The following THSD7B variants were observed in gnomAD, a reference collection of about 807,000 sequenced individuals.
THSD7B encodes the protein thrombospondin type 1 domain containing 7B, also known as thrombospondin type-1 domain-containing protein 7B.
Under a neutral mutation model 213.6 loss-of-function variants are expected in THSD7B, and 138 were observed. The ratio of observed to expected loss-of-function variants is 0.65; its 90% CI spans 0.56 to 0.74. THSD7B has a LOEUF of 0.74. Ranked by LOEUF, THSD7B falls within the 30% of genes least tolerant of loss-of-function variation. The pLI is 0.00. For missense variants in THSD7B, 1,931 were observed against 1,991.5 expected (o/e 0.97, Z 0.58); for synonymous variants, 742 against 687.0 (o/e 1.08, Z -1.25).
chr2:137,082,406 G>T (rs7578564), intron 3 of THSD7B, among the ~76,000 whole-genome samples: 14,440 of 152,102 alleles, frequency 0.095, 932 homozygotes, highest in African/African-American at 0.18. Context: ...GTAGTGCTGA[G>T]AGGGGAATAT....
chr2:137,663,961 C>G (rs1373013198), intron 26 of THSD7B, among the ~76,000 whole-genome samples: 1 of 152,146 alleles, frequency 6.6e-6, no homozygotes, highest in Non-Finnish European at 1.5e-5. Flanking sequence ...AAGCGATTCT[C>G]CTGCCATAGC....
intron 12 of THSD7B, among the ~76,000 whole-genome samples, chr2:137,286,502 C>G (rs1683183766): frequency 6.6e-6 from 1 of 152,180 alleles, no homozygotes; most frequent in Non-Finnish European, 1.5e-5. Flanking sequence ...ATTGGACTTT[C>G]ATTCTCCGAA....
chr2:137,485,844 C>T (rs1035184624), intron 15 of THSD7B, among the ~76,000 whole-genome samples: 9 of 152,134 alleles, frequency 5.9e-5, no homozygotes, highest in Non-Finnish European at 1.2e-4. Context: ...CAATATTCAA[C>T]ATTCTTAAAG....
intron 15 of THSD7B, among the ~76,000 whole-genome samples, chr2:137,514,137 A>G (rs183305308): frequency 9.0e-4 from 137 of 152,214 alleles, no homozygotes; most frequent in Non-Finnish European, 1.7e-3. Flanking sequence ...TATATGTGAT[A>G]TGGTTGTGAT....
At chr2:137,487,736 C>CTTTT (rs746163389) in intron 15 of THSD7B, among the ~76,000 whole-genome samples, 1 of 13,338 alleles carries the variant, frequency 7.5e-5, no homozygotes, top group African/African-American at 2.7e-4. Flanking sequence ...AGGTTTCTTT[C>CTTTT]TTTTTTTTTT....
At chr2:137,513,046 G>T (rs1414801267) in intron 15 of THSD7B, among the ~76,000 whole-genome samples, 1 of 151,994 alleles carries the variant, frequency 6.6e-6, no homozygotes. Context: ...ACCTCCAAAG[G>T]GTGTACAATA....
intron 10 of THSD7B, among the ~76,000 whole-genome samples, chr2:137,252,281 A>AC (rs992399726): frequency 4.2e-5 from 6 of 144,392 alleles, no homozygotes; most frequent in East Asian, 1.9e-4. Flanking sequence ...AAAAAAAAAA[A>AC]AAAAAAAAAC....
chr2:137,452,612 C>A (rs565327427), intron 15 of THSD7B, among the ~76,000 whole-genome samples: 1 of 152,182 alleles, frequency 6.6e-6, no homozygotes, highest in Admixed American at 6.5e-5. Flanking sequence ...CTTTATAACA[C>A]CAGTGTTAAA....
chr2:137,393,152 T>G (rs1686076545), intron 12 of THSD7B, among the ~76,000 whole-genome samples: 25 of 137,420 alleles, frequency 1.8e-4, no homozygotes, highest in Admixed American at 1.8e-3. Flanking sequence ...CCAGCTTTTT[T>G]TTTTTTAATT....
chr2:137,189,882 A>C (rs182469406), intron 7 of THSD7B, among the ~76,000 whole-genome samples: 1 of 152,178 alleles, frequency 6.6e-6, no homozygotes, highest in East Asian at 1.9e-4. Flanking sequence ...GCTCCTCAAA[A>C]ATAGAAACTG....
intron 15 of THSD7B, among the ~76,000 whole-genome samples, chr2:137,495,052 G>C (rs900750790): frequency 6.6e-6 from 1 of 152,054 alleles, no homozygotes; most frequent in African/African-American, 2.4e-5. Context: ...ACTTACCACA[G>C]TCTAATTGTT....
intron 20 of THSD7B, among the ~76,000 whole-genome samples, chr2:137,628,563 C>T (rs973505925): frequency 6.6e-6 from 1 of 151,394 alleles, no homozygotes; most frequent in East Asian, 1.9e-4. Flanking sequence ...GTGTTATTTG[C>T]GTCAGTGATG....
At chr2:137,408,533 T>G (rs1209437696) in intron 13 of THSD7B, among the ~76,000 whole-genome samples, 3 of 152,206 alleles carry the variant, frequency 2.0e-5, no homozygotes, top group Non-Finnish European at 4.4e-5. Flanking sequence ...CAGCTTCTGC[T>G]ATAGTTGCTG....
chr2:137,078,094 A>G (rs1687668355), intron 3 of THSD7B, among the ~76,000 whole-genome samples: 4 of 152,152 alleles, frequency 2.6e-5, no homozygotes, highest in African/African-American at 4.8e-5. Flanking sequence ...TCATTTCCCC[A>G]TTTCTTGTTT....
intron 1 of THSD7B, among the ~76,000 whole-genome samples, chr2:136,873,024 A>T (rs1683464040): frequency 6.8e-6 from 1 of 147,588 alleles, no homozygotes; most frequent in African/African-American, 2.5e-5. Flanking sequence ...CTCCATCTAA[A>T]AAAAAAAAAA....
chr2:137,258,572 A>G (rs1215271298), intron 10 of THSD7B, among the ~76,000 whole-genome samples: 1 of 151,792 alleles, frequency 6.6e-6, no homozygotes, highest in African/African-American at 2.4e-5. Flanking sequence ...GAAATTTAAA[A>G]TTGCAAAACC....
At chr2:136,833,495 G>T (rs1682794067) in intron 1 of THSD7B, among the ~76,000 whole-genome samples, 2 of 108,928 alleles carry the variant, frequency 1.8e-5, no homozygotes, top group Non-Finnish European at 3.6e-5. Context: ...TTCCTTTTTA[G>T]ATTTAAGGCA....
At chr2:137,063,477 T>C (rs1043263416) in intron 3 of THSD7B, among the ~76,000 whole-genome samples, 3 of 152,114 alleles carry the variant, frequency 2.0e-5, no homozygotes, top group Non-Finnish European at 4.4e-5. Flanking sequence ...TGTAATCATA[T>C]CAGGGTAAAT....
At chr2:137,638,083 G>T (rs1321235261) in intron 20 of THSD7B, among the ~76,000 whole-genome samples, 1 of 152,184 alleles carries the variant, frequency 6.6e-6, no homozygotes, top group Non-Finnish European at 1.5e-5. Context: ...AAGAACATCT[G>T]TCTAAACATA....
Sources: gnomAD v4.1 joint callset for allele counts (sites outside exome capture counted in the v4.1 genomes callset) on GRCh38, gnomAD v4.1.1 for gene constraint, MANE v1.5 for transcripts, NCBI Gene and HGNC (gene_info 2026-07-23, HGNC 2026-07-21) for gene names.